Variants in CA10 observed in about 807,000 individuals in gnomAD.
CA10 encodes the protein carbonic anhydrase-related protein 10.
Under a neutral mutation model 44.2 loss-of-function variants are expected in CA10, and 14 were observed. The ratio of observed to expected loss-of-function variants is 0.32; its 90% CI spans 0.21 to 0.50. CA10 has a LOEUF of 0.50. CA10 is among the 20% of genes least tolerant of loss of function. The pLI, the probability that CA10 is intolerant of heterozygous loss-of-function variation, is 0.99. For missense variants in CA10, 350 were observed against 409.7 expected (o/e 0.85, Z 1.26); for synonymous variants, 159 against 141.6 (o/e 1.12, Z -0.87).
In CA10 at chr17:51,931,053, C is replaced by T; in HGVS notation, c.216G>A (p.Glu72=). ...AGGGGTCGAAGATCATGTGACTGGT[C>T]TCTATGTTGACTGGCGACTGCCGTT... The part of the protein sequence containing the change: ...VGKRQSPVNI[E]TSHMIFDPFL... The change falls in exon 3 of 9, where the codon GAG becomes GAA. Residue 72 remains glutamate, a synonymous_variant. Coordinates refer to ENST00000451037, the MANE Select transcript of CA10 (RefSeq NM_020178.5). 1 of 1,613,650 alleles carries T rather than the reference C, an allele frequency of 6.2e-7. No homozygotes were observed. Among genetic ancestry groups the T allele is most frequent in the Non-Finnish European group, 8.5e-7 (1 of 1,179,718 alleles).
At chr17:52,117,089 T>C (rs1988913769) in intron 1 of CA10, among the ~76,000 whole-genome samples, 1 of 152,140 alleles carries the variant, frequency 6.6e-6, no homozygotes, top group African/African-American at 2.4e-5. Flanking sequence ...AAGTTATAGG[T>C]ATATTTAAAA....
intron 1 of CA10, among the ~76,000 whole-genome samples, chr17:52,134,081 T>C (rs1473050914): frequency 1.3e-5 from 2 of 152,142 alleles, no homozygotes; most frequent in Non-Finnish European, 2.9e-5. Flanking sequence ...AAAGAGCTGT[T>C]CCCCCAGTGC....
intron 1 of CA10, among the ~76,000 whole-genome samples, chr17:52,078,933 A>G (rs2143162629): frequency 6.6e-6 from 1 of 152,268 alleles, no homozygotes; most frequent in East Asian, 1.9e-4. Context: ...CTGTTTCCAT[A>G]TCATTCATTT....
intron 2 of CA10, among the ~76,000 whole-genome samples, chr17:51,981,475 T>C (rs1407932404): frequency 6.6e-6 from 1 of 151,970 alleles, no homozygotes; most frequent in Non-Finnish European, 1.5e-5. Context: ...TAGGTAGAAC[T>C]GACCTATGGT....
chr17:51,674,068 C>A (rs1056206563), intron 4 of CA10, among the ~76,000 whole-genome samples: 2 of 152,220 alleles, frequency 1.3e-5, no homozygotes, highest in East Asian at 3.9e-4. Context: ...TCTCTGCTAC[C>A]ATCATGCCCA....
intron 2 of CA10, among the ~76,000 whole-genome samples, chr17:52,018,259 A>G (rs776263644): frequency 6.6e-6 from 1 of 152,134 alleles, no homozygotes; most frequent in Non-Finnish European, 1.5e-5. Context: ...GCTGCCCTTC[A>G]GACCAAATAA....
At chr17:51,772,027 G>A (rs1430203520) in intron 3 of CA10, among the ~76,000 whole-genome samples, 6 of 152,156 alleles carry the variant, frequency 3.9e-5, no homozygotes, top group African/African-American at 1.2e-4. Context: ...GTGATGCCTC[G>A]TGGAGTGCTC....
chr17:51,804,214 A>C (rs1365664509), intron 3 of CA10, among the ~76,000 whole-genome samples: 1 of 152,216 alleles, frequency 6.6e-6, no homozygotes, highest in Admixed American at 6.5e-5. Context: ...TAAAAAATAC[A>C]AATTTCTATA....
At chr17:51,746,095 T>C (rs1006951027) in intron 4 of CA10, among the ~76,000 whole-genome samples, 7 of 152,156 alleles carry the variant, frequency 4.6e-5, no homozygotes, top group African/African-American at 1.4e-4. Flanking sequence ...GTATTTTTTT[T>C]CCCTACAGAT....
chr17:51,971,536 C>T (rs189717225), intron 2 of CA10, among the ~76,000 whole-genome samples: 4 of 152,116 alleles, frequency 2.6e-5, no homozygotes, highest in Admixed American at 2.0e-4. Context: ...AGAGAGCAAC[C>T]ACTATAGAAA....
At chr17:51,778,775 C>T (rs1225656717) in intron 3 of CA10, among the ~76,000 whole-genome samples, 1 of 152,154 alleles carries the variant, frequency 6.6e-6, no homozygotes. Flanking sequence ...CTAGAAGGTA[C>T]AACAAATGCA....
At chr17:52,109,289 T>C (rs1028245969) in intron 1 of CA10, among the ~76,000 whole-genome samples, 2 of 152,206 alleles carry the variant, frequency 1.3e-5, no homozygotes, top group African/African-American at 2.4e-5. Context: ...TTCAAGTCCT[T>C]CTAAGGATGC....
intron 2 of CA10, among the ~76,000 whole-genome samples, chr17:51,945,838 T>G (rs1983252908): frequency 6.6e-6 from 1 of 152,106 alleles, no homozygotes; most frequent in Non-Finnish European, 1.5e-5. Flanking sequence ...CCTCTCACAG[T>G]CACACAGTCT....
chr17:51,975,821 A>T (rs1167222113), intron 2 of CA10, among the ~76,000 whole-genome samples: 1 of 141,494 alleles, frequency 7.1e-6, no homozygotes, highest in Non-Finnish European at 1.5e-5. Flanking sequence ...CAGTGAGCTG[A>T]GGTCGCGCCG....
At chr17:51,793,181 T>C (rs931548994) in intron 3 of CA10, among the ~76,000 whole-genome samples, 4 of 152,186 alleles carry the variant, frequency 2.6e-5, no homozygotes, top group African/African-American at 9.7e-5. Context: ...TTTCGCTTTA[T>C]GGTTTAACAT....
intron 3 of CA10, among the ~76,000 whole-genome samples, chr17:51,904,742 T>C (rs1981468478): frequency 6.6e-6 from 1 of 152,074 alleles, no homozygotes; most frequent in Non-Finnish European, 1.5e-5. Context: ...TTTACCTCTA[T>C]TATTTGCAGG....
intron 3 of CA10, among the ~76,000 whole-genome samples, chr17:51,809,148 T>G (rs1907255182): frequency 6.6e-6 from 1 of 151,498 alleles, no homozygotes; most frequent in South Asian, 2.1e-4. Flanking sequence ...AGGGAAAAAA[T>G]AGAGGCTAAT....
chr17:51,983,893 A>G (rs1239551506), intron 2 of CA10, among the ~76,000 whole-genome samples: 1 of 151,776 alleles, frequency 6.6e-6, no homozygotes, highest in Non-Finnish European at 1.5e-5. Context: ...TGCCATATAA[A>G]AAGGTGAAAG....
intron 2 of CA10, among the ~76,000 whole-genome samples, chr17:52,060,111 C>T (rs779905629): frequency 6.6e-6 from 1 of 152,084 alleles, no homozygotes; most frequent in African/African-American, 2.4e-5. Flanking sequence ...GTTGATATCA[C>T]GTACCCTCTG....
Sources: allele counts gnomAD v4.1 joint callset (sites outside exome capture counted in the v4.1 genomes callset), GRCh38; gene constraint gnomAD v4.1.1; transcripts MANE v1.5; gene names NCBI Gene and HGNC (gene_info 2026-07-23, HGNC 2026-07-21).